The following SAMMSON variants were observed in gnomAD, a reference collection of about 807,000 sequenced individuals.
SAMMSON encodes survival associated mitochondrial melanoma specific oncogenic non-coding RNA.
chr3:70,028,190 T>C lies in SAMMSON; in HGVS notation n.417+14518T>C, dbSNP rs28449494. Among the ~76,000 whole-genome samples, 983 of 143,350 alleles carry C rather than the reference T, an allele frequency of 6.9e-3. 8 individuals are homozygous for C. Among genetic ancestry groups the C allele is most frequent in the African/African-American group, 0.027 (938 of 34,938 alleles). 94.0% of individuals were successfully genotyped at this position (143,350 alleles called of 152,430 possible). On this transcript the variant is annotated intron_variant and non_coding_transcript_variant, in intron 3 of 9. Transcript: ENST00000642114. ...TCCTTCCTTCCTTCCTTCCTTCCTT[T>C]CTTTCTTTCTTTCTCTCTTTCTTTC...
At chr3:70,430,096 T>C (rs1701401896) in intron 2 of SAMMSON, among the ~76,000 whole-genome samples, 2 of 152,176 alleles carry the variant, frequency 1.3e-5, no homozygotes, top group South Asian at 4.1e-4. Context: ...TGATATTGGA[T>C]GTGGGTTTAT....
At chr3:70,121,130 C>T (rs922961713) in intron 4 of SAMMSON, among the ~76,000 whole-genome samples, 5 of 152,242 alleles carry the variant, frequency 3.3e-5, no homozygotes, top group East Asian at 3.9e-4. Flanking sequence ...ATAGGGTTCG[C>T]GCTCCTATAA....
intron 7 of SAMMSON, among the ~76,000 whole-genome samples, chr3:70,349,179 G>T (rs1702773816): frequency 6.6e-6 from 1 of 152,070 alleles, no homozygotes; most frequent in Admixed American, 6.6e-5. Flanking sequence ...TTTGAGACCA[G>T]CCTGGCCAAC....
chr3:70,301,421 C>T lies in SAMMSON; in HGVS notation n.739+10178C>T, dbSNP rs545692821. On this transcript the variant is annotated intron_variant and non_coding_transcript_variant, in intron 7 of 9. Transcript: ENST00000642114. ...TAAAGAGCTTGTGCTTATCTGAATCCTATGGTAAACAGGATGTGTTGCTGA... is the reference window on the plus strand; with the variant it reads ...TAAAGAGCTTGTGCTTATCTGAATCTTATGGTAAACAGGATGTGTTGCTGA... 5.3e-5 allele frequency among the ~76,000 whole-genome samples: 8 copies of T among 152,112 alleles called. No individual in the cohort carries two copies. The South Asian group carries it at 6.2e-4, about 12-fold the overall frequency.
chr3:70,310,842 G>A (rs904085229), intron 7 of SAMMSON, among the ~76,000 whole-genome samples: 3 of 152,048 alleles, frequency 2.0e-5, no homozygotes, highest in Admixed American at 6.5e-5. Flanking sequence ...ATGATGAGGT[G>A]GTGGTTACAT....
intron 7 of SAMMSON, among the ~76,000 whole-genome samples, chr3:70,338,967 G>T (rs1012516147): frequency 3.6e-4 from 55 of 152,060 alleles, no homozygotes; most frequent in African/African-American, 1.2e-3. Context: ...CAAAAGAACA[G>T]AGCTGGAGGC....
intron 2 of SAMMSON, among the ~76,000 whole-genome samples, chr3:70,421,477 C>G (rs980223564): frequency 6.6e-6 from 1 of 152,028 alleles, no homozygotes; most frequent in Non-Finnish European, 1.5e-5. Context: ...AATGTTCATC[C>G]ATGCAGGCTT....
chr3:70,323,011 AG>A (rs1359867811), intron 7 of SAMMSON, among the ~76,000 whole-genome samples: 1 of 152,094 alleles, frequency 6.6e-6, no homozygotes, highest in Non-Finnish European at 1.5e-5. Flanking sequence ...AAAAGAAGAC[AG>A]TGGTTGAATT....
chr3:70,068,477 A>G (rs995695929), intron 3 of SAMMSON: 5 of 152,108 alleles, frequency 3.3e-5, no homozygotes, highest in African/African-American at 9.6e-5. Context: ...GTGATTTATC[A>G]TAAATGTGCT....
At chr3:70,268,138 A>G (rs539341777) in intron 6 of SAMMSON, among the ~76,000 whole-genome samples, 1 of 151,960 alleles carries the variant, frequency 6.6e-6, no homozygotes, top group South Asian at 2.1e-4. Context: ...GAGATATCGC[A>G]TATACTCCTG....
intron 8 of SAMMSON, among the ~76,000 whole-genome samples, chr3:70,355,054 G>T (rs1005302329): frequency 5.3e-5 from 8 of 152,076 alleles, no homozygotes; most frequent in African/African-American, 1.7e-4. Context: ...TTAATAGTTG[G>T]AAATAAGCTA....
chr3:70,162,669 C>T (rs778268295), intron 4 of SAMMSON, among the ~76,000 whole-genome samples: 14 of 151,732 alleles, frequency 9.2e-5, no homozygotes, highest in Non-Finnish European at 1.3e-4. Context: ...TAATAGTGTC[C>T]AAGTCTTCTA....
chr3:70,035,140 G>A (rs567320992), intron 3 of SAMMSON, among the ~76,000 whole-genome samples: 1 of 152,050 alleles, frequency 6.6e-6, no homozygotes, highest in Non-Finnish European at 1.5e-5. Context: ...GCCCATCCAG[G>A]TTATTGGCAG....
At chr3:70,170,106 T>TA (rs1700919421) in intron 4 of SAMMSON, among the ~76,000 whole-genome samples, 1 of 151,932 alleles carries the variant, frequency 6.6e-6, no homozygotes, top group African/African-American at 2.4e-5. Context: ...CTCATCCAAG[T>TA]AAAATGGTTT....
At chr3:70,080,591 C>T (rs576026997) in intron 4 of SAMMSON, among the ~76,000 whole-genome samples, 1 of 152,218 alleles carries the variant, frequency 6.6e-6, no homozygotes, top group Middle Eastern at 3.4e-3. Context: ...CATTGTCCCC[C>T]TCCTCCCTCC....
chr3:70,365,582 C>A (rs1397875707), intron 9 of SAMMSON, among the ~76,000 whole-genome samples: 3 of 151,756 alleles, frequency 2.0e-5, no homozygotes, highest in Non-Finnish European at 4.4e-5. Context: ...AATCCATTTA[C>A]TTGTTAAGTC....
At chr3:70,343,594 GT>G (rs1226287433) in intron 7 of SAMMSON, among the ~76,000 whole-genome samples, 1 of 152,150 alleles carries the variant, frequency 6.6e-6, no homozygotes, top group African/African-American at 2.4e-5. Flanking sequence ...TATACTTGTA[GT>G]ATGGCTTTTT....
intron 9 of SAMMSON, among the ~76,000 whole-genome samples, chr3:70,388,092 T>C (rs1700999355): frequency 6.6e-6 from 1 of 152,150 alleles, no homozygotes; most frequent in Non-Finnish European, 1.5e-5. Flanking sequence ...TCGTTCTTAG[T>C]GGTTGTGCAA....
rs923497760 is a variant in SAMMSON at position 70,096,838 on chromosome 3, T to C, written n.507+25273T>C. On this transcript the variant is annotated intron_variant and non_coding_transcript_variant, in intron 4 of 9. Transcript: ENST00000642114. ...CTAGAATAGCGTTGATCAAACCCTG[T>C]TCTGTGTAACCCTAAAGAACTATGA... 4.6e-5 allele frequency among the ~76,000 whole-genome samples: 7 copies of C among 152,296 alleles called. No individual in the cohort carries two copies. In the East Asian group the frequency reaches 1.4e-3, roughly 29 times the overall value.
Sources: gnomAD v4.1 joint callset for allele counts (sites outside exome capture counted in the v4.1 genomes callset) on GRCh38, gnomAD v4.1.1 for gene constraint, MANE v1.5 for transcripts, NCBI Gene and HGNC (gene_info 2026-07-23, HGNC 2026-07-21) for gene names.